FAM111B: variants seen among roughly 807,000 people sequenced by gnomAD.
FAM111B encodes the protein FAM111 trypsin like peptidase B.
A neutral mutation model predicts 2.8 loss-of-function variants in FAM111B; 1 was observed. The ratio of observed to expected loss-of-function variants is 0.36; its 90% CI spans 0.13 to 1.70. The LOEUF is 1.70. Among genes scored for constraint, FAM111B ranks in the 40% most tolerant of loss-of-function variants. The probability of loss-of-function intolerance (pLI) is 0.35; values close to 1 mark genes in which losing one functional copy is unlikely to be tolerated. For missense variants in FAM111B, 882 were observed against 878.9 expected, an observed-to-expected ratio of 1.00 and a Z score of -0.04; for synonymous variants, 297 against 295.6, an observed-to-expected ratio of 1.00 and a Z score of -0.05.
At chr11:59,109,492 T>G in intron 2 of FAM111B, 48 bp from the exon 3 acceptor site, 1 of 560,738 alleles carries the variant, frequency 1.8e-6, no homozygotes, top group Non-Finnish European at 3.1e-6. Context: ...TGATCTCCAG[T>G]GTTTGAAAGT....
intron 3 of FAM111B, among the ~76,000 whole-genome samples, chr11:59,117,220 C>T (rs1361907377): frequency 6.6e-6 from 1 of 152,174 alleles, no homozygotes; most frequent in Non-Finnish European, 1.5e-5. Context: ...CATACTTTCC[C>T]ACAACCTTGG....
At chr11:59,108,055 G>A (rs965859760) in intron 1 of FAM111B, among the ~76,000 whole-genome samples, 19 of 152,272 alleles carry the variant, frequency 1.2e-4, no homozygotes, top group African/African-American at 4.3e-4. Context: ...CCTTTGAGGC[G>A]GGGGTTGTGG....
chr11:59,118,955 A>G (rs1465215039), intron 3 of FAM111B, among the ~76,000 whole-genome samples: 1 of 151,938 alleles, frequency 6.6e-6, no homozygotes, highest in Non-Finnish European at 1.5e-5. Context: ...TTTTATTGTA[A>G]TGTTTTGCCT....
At chr11:59,107,640 C>T (rs1859685034) in intron 1 of FAM111B, among the ~76,000 whole-genome samples, 2 of 152,170 alleles carry the variant, frequency 1.3e-5, no homozygotes, top group Admixed American at 6.5e-5. Flanking sequence ...AGTAGGAGAG[C>T]TCCTGCTCAA....
rs747608355 is a variant in FAM111B at position 59,126,042 on chromosome 11, TC to T, written c.1947del (p.Ser650GlnfsTer56). 3.1e-6 allele frequency: 5 copies of T among 1,613,852 alleles called. No homozygotes were observed. Among genetic ancestry groups the T allele is most frequent in the Non-Finnish European group, 4.2e-6 (5 of 1,179,790 alleles). ...TTATGATACTTGTTTCTCTGATGGG[TC>T]CTCAGGCTCCCCAGTGTTTAATGCA... ...LSYDTCFSDGSSGSPVFNASG... is the reference protein window; with the variant it reads ...LSYDTCFSDGXSGSPVFNASG... On this transcript the variant is annotated frameshift_variant, in exon 4 of 4. Transcript: ENST00000343597. LOFTEE classifies it low-confidence loss of function (END_TRUNC).
intron 3 of FAM111B, among the ~76,000 whole-genome samples, chr11:59,116,321 A>G (rs1192351588): frequency 6.6e-6 from 1 of 152,204 alleles, no homozygotes; most frequent in Non-Finnish European, 1.5e-5. Flanking sequence ...AGTAACAGGC[A>G]TCTCCAAATA....
At position 59,124,253 on chromosome 11, in the gene FAM111B, C is replaced by T. The variant is rs1275144367; in HGVS notation, c.156C>T (p.Ser52=). The change falls in exon 4 of 4, where the codon AGC becomes AGT. Residue 52 remains serine, a synonymous_variant. Coordinates refer to ENST00000343597, the MANE Select transcript of FAM111B (RefSeq NM_198947.4). The stretch of plus-strand genomic sequence containing the variant: ...TATCTGGCATAAGAAAGTGTAGCAG[C>T]ACCTTTAAGCTTAAAAGTGAAGTCA... ...HCLSGIRKCS[S]TFKLKSEVNK... is the part of the protein sequence containing the mutation. 2 of 1,613,820 alleles carry T rather than the reference C, an allele frequency of 1.2e-6. No individual in the cohort carries two copies. The highest frequency in any genetic ancestry group is 1.7e-6 in the Non-Finnish European group (2 of 1,179,790).
Position 59,126,203 on chromosome 11 carries a change from T to C in FAM111B, c.2106T>C (p.Tyr702=). ...CDIKKTNESL[Y]KSLNDEKLET... ...TTAAAAAGACAAATGAGAGCTTGTA[T>C]AAATCATTAAATGATGAGAAACTTG... The change falls in exon 4 of 4, where the codon TAT becomes TAC. Residue 702 remains tyrosine, a synonymous_variant. Coordinates refer to ENST00000343597, the MANE Select transcript of FAM111B (RefSeq NM_198947.4). The C allele has an allele frequency of 6.2e-7, 1 of 1,607,524 alleles. No individual in the cohort carries two copies. Among genetic ancestry groups the C allele is most frequent in the East Asian group, 2.2e-5 (1 of 44,860 alleles).
rs548040798 is a variant in FAM111B, at chr11:59,121,781, A to G, written c.82-2398A>G. 7.0e-4 allele frequency among the ~76,000 whole-genome samples: 107 copies of G among 152,304 alleles called. 1 individual carries two copies. The highest frequency in any genetic ancestry group is 5.0e-3 in the Admixed American group (77 of 15,286). On this transcript the variant is annotated intron_variant, in intron 3 of 3. Transcript: ENST00000343597. ...AGAAATAACAGAAATATTCACAAAC[A>G]GTTTGTTTCTTCAGTGAATTCTAAC...
At chr11:59,119,160 C>T (rs1389054994) in intron 3 of FAM111B, among the ~76,000 whole-genome samples, 1 of 152,186 alleles carries the variant, frequency 6.6e-6, no homozygotes, top group Non-Finnish European at 1.5e-5. Flanking sequence ...GTGATTTCCT[C>T]ACATGCATGT....
intron 2 of FAM111B, 127 bp from the exon 3 acceptor site, chr11:59,109,413 C>A (rs1330828383): frequency 5.1e-6 from 2 of 388,390 alleles, no homozygotes; most frequent in Admixed American, 8.3e-5. Flanking sequence ...ATACAGTAAG[C>A]TAAATAGCCA....
At chr11:59,111,087 A>G (rs1322806562) in intron 3 of FAM111B, among the ~76,000 whole-genome samples, 1 of 152,116 alleles carries the variant, frequency 6.6e-6, no homozygotes. Flanking sequence ...TCTGCTTTTC[A>G]TGTTATCCCC....
At chr11:59,109,412 G>T in intron 2 of FAM111B, 128 bp from the exon 3 acceptor site, 1 of 385,246 alleles carries the variant, frequency 2.6e-6, no homozygotes, top group South Asian at 5.0e-5. Flanking sequence ...CATACAGTAA[G>T]CTAAATAGCC....
rs1333970397 is a variant in FAM111B, at chr11:59,125,899, A to G, written c.1802A>G (p.Lys601Arg). 1.9e-6 allele frequency: 3 copies of G among 1,613,910 alleles called. No homozygotes were observed. In the South Asian group the frequency reaches 3.3e-5, roughly 18 times the overall value. Residue 601 changes from lysine to arginine, a missense_variant, in exon 4 of 4, where the codon AAA (lysine) becomes AGA (arginine). Lys to Arg is a conservative substitution (Grantham distance 26). Coordinates refer to ENST00000343597, the MANE Select transcript of FAM111B (RefSeq NM_198947.4). ...ATTCCTCTAAACGAACGATTGAAAAAATATCCAAACGATTGTCAAGATGGG... is the reference window on the plus strand; with the variant it reads ...ATTCCTCTAAACGAACGATTGAAAAGATATCCAAACGATTGTCAAGATGGG... ...TVIPLNERLKKYPNDCQDGLV... is the reference protein window; with the variant it reads ...TVIPLNERLKRYPNDCQDGLV...
intron 1 of FAM111B, among the ~76,000 whole-genome samples, 188 bp from the exon 2 acceptor site, chr11:59,108,480 T>A (rs1859701808): frequency 6.6e-6 from 1 of 152,192 alleles, no homozygotes; most frequent in Non-Finnish European, 1.5e-5. Context: ...AAATCTGGAA[T>A]TCCTACTGGT....
At chr11:59,120,769 C>T (rs984787409) in intron 3 of FAM111B, among the ~76,000 whole-genome samples, 1 of 152,148 alleles carries the variant, frequency 6.6e-6, no homozygotes, top group Non-Finnish European at 1.5e-5. Context: ...AGTGTGACCT[C>T]ATTTTTAACT....
chr11:59,113,964 A>C (rs1028184450), intron 3 of FAM111B, among the ~76,000 whole-genome samples: 6 of 152,270 alleles, frequency 3.9e-5, no homozygotes, highest in African/African-American at 1.4e-4. Context: ...ACAGAGTCCC[A>C]GCTCTTGTGA....
In FAM111B at chr11:59,126,049, GCT is replaced by G. The variant is rs562010765; in HGVS notation, c.1954_1955del (p.Ser652ProfsTer4). ...ACTTGTTTCTCTGATGGGTCCTCAG[GCT>G]CCCCAGTGTTTAATGCATCTGGCAA... On this transcript the variant is annotated frameshift_variant, in exon 4 of 4. Coordinates refer to ENST00000343597, the MANE Select transcript of FAM111B (RefSeq NM_198947.4). LOFTEE classifies it low-confidence loss of function (END_TRUNC). The G allele has an allele frequency of 2.7e-5, 43 of 1,613,768 alleles. No homozygotes were observed. The African/African-American group carries it at 4.8e-4, about 18-fold the overall frequency.
intron 3 of FAM111B, among the ~76,000 whole-genome samples, chr11:59,119,671 A>G (rs982379229): frequency 2.0e-5 from 3 of 152,214 alleles, no homozygotes; most frequent in African/African-American, 7.2e-5. Context: ...AAGTTTTCTT[A>G]GCCAGATTAA....
Sources: allele counts gnomAD v4.1 joint callset (sites outside exome capture counted in the v4.1 genomes callset), GRCh38; gene constraint gnomAD v4.1.1; transcripts MANE v1.5; gene names NCBI Gene and HGNC (gene_info 2026-07-23, HGNC 2026-07-21).